BMPER: variants seen among roughly 807,000 people sequenced by gnomAD.
BMPER encodes BMP binding endothelial regulator.
Under a neutral mutation model 87.3 loss-of-function variants are expected in BMPER, and 45 were observed. The observed-to-expected ratio is 0.52, with a 90% confidence interval of 0.41 to 0.66. The LOEUF (loss-of-function observed/expected upper bound fraction) is 0.66, where lower values mean the gene tolerates loss of function less well. Ranked by LOEUF, BMPER falls within the 30% of genes least tolerant of loss-of-function variation. The probability of loss-of-function intolerance (pLI) is 0.00; values close to 1 mark genes in which losing one functional copy is unlikely to be tolerated. For synonymous variants in BMPER, 326 were observed against 316.2 expected (o/e 1.03, Z -0.33); for missense variants, 784 against 867.5 (o/e 0.90, Z 1.21).
At chr7:33,990,047 T>C (rs1388314947) in intron 6 of BMPER, among the ~76,000 whole-genome samples, 4 of 151,692 alleles carry the variant, frequency 2.6e-5, no homozygotes, top group East Asian at 1.9e-4. Context: ...AGTCAGGTAG[T>C]GTGATGCCTC....
intron 9 of BMPER, among the ~76,000 whole-genome samples, chr7:34,056,448 T>C (rs749563771): frequency 6.6e-6 from 1 of 151,928 alleles, no homozygotes; most frequent in Non-Finnish European, 1.5e-5. Flanking sequence ...AAAAAACACA[T>C]AAGGTGTCAT....
intron 13 of BMPER, among the ~76,000 whole-genome samples, chr7:34,119,252 T>A (rs895545887): frequency 6.6e-6 from 1 of 152,116 alleles, no homozygotes; most frequent in African/African-American, 2.4e-5. Context: ...ACCCACGTAG[T>A]ACCCACAGCA....
At chr7:33,947,136 A>G (rs967878945) in intron 3 of BMPER, among the ~76,000 whole-genome samples, 24 of 152,316 alleles carry the variant, frequency 1.6e-4, no homozygotes, top group Non-Finnish European at 7.4e-5. Flanking sequence ...GAAAAAACTC[A>G]ATATTGTTTG....
intron 6 of BMPER, among the ~76,000 whole-genome samples, chr7:34,041,112 C>A (rs1220500153): frequency 6.6e-6 from 1 of 152,020 alleles, no homozygotes; most frequent in Non-Finnish European, 1.5e-5. Flanking sequence ...AAGGAAAGGC[C>A]CTATTAGATG....
At chr7:34,125,556 T>C (rs1324970309) in intron 13 of BMPER, among the ~76,000 whole-genome samples, 1 of 152,226 alleles carries the variant, frequency 6.6e-6, no homozygotes, top group African/African-American at 2.4e-5. Context: ...AGCTTCATGC[T>C]TATGAAATGC....
At chr7:34,044,601 C>T (rs1787911456) in intron 6 of BMPER, among the ~76,000 whole-genome samples, 1 of 152,114 alleles carries the variant, frequency 6.6e-6, no homozygotes. Context: ...GATGAAAGGC[C>T]TCTAACTTTA....
chr7:34,152,450 A>G (rs946553046), intron 14 of BMPER, among the ~76,000 whole-genome samples: 1 of 152,202 alleles, frequency 6.6e-6, no homozygotes, highest in Non-Finnish European at 1.5e-5. Flanking sequence ...CTTTGCCTCT[A>G]AGTCAATAAA....
At chr7:33,978,662 C>T (rs1365437351) in intron 6 of BMPER, among the ~76,000 whole-genome samples, 1 of 152,170 alleles carries the variant, frequency 6.6e-6, no homozygotes, top group African/African-American at 2.4e-5. Flanking sequence ...GGATACTTCT[C>T]AACTTACGGT....
At chr7:34,043,498 A>T (rs886513894) in intron 6 of BMPER, among the ~76,000 whole-genome samples, 4 of 152,336 alleles carry the variant, frequency 2.6e-5, no homozygotes, top group South Asian at 2.1e-4. Context: ...AGTGTAGCAT[A>T]GCACTGTCAA....
intron 3 of BMPER, among the ~76,000 whole-genome samples, chr7:33,953,558 T>C (rs1381112391): frequency 6.6e-6 from 1 of 152,206 alleles, no homozygotes; most frequent in Non-Finnish European, 1.5e-5. Context: ...AATACTCAGA[T>C]GCCTGAGCCC....
intron 11 of BMPER, among the ~76,000 whole-genome samples, chr7:34,066,709 C>G (rs564601995): frequency 6.6e-6 from 1 of 152,248 alleles, no homozygotes; most frequent in Non-Finnish European, 1.5e-5. Flanking sequence ...CAACAGAGAC[C>G]TGAATCAGAT....
intron 12 of BMPER, among the ~76,000 whole-genome samples, chr7:34,081,958 T>C (rs75073098): frequency 0.028 from 4,316 of 152,132 alleles, 199 homozygotes; most frequent in African/African-American, 0.098. Context: ...AAAACAACAA[T>C]ATCCACAAAA....
chr7:33,960,144 G>GAT (rs1372301390), intron 3 of BMPER, among the ~76,000 whole-genome samples: 2 of 152,174 alleles, frequency 1.3e-5, no homozygotes, highest in African/African-American at 4.8e-5. Context: ...TACTATTTAA[G>GAT]AACTCAGTTC....
chr7:33,929,290 C>T (rs187451495), intron 2 of BMPER, among the ~76,000 whole-genome samples: 33 of 152,206 alleles, frequency 2.2e-4, no homozygotes, highest in Admixed American at 4.6e-4. Flanking sequence ...AAATTATGGC[C>T]GTGGGATGCT....
At chr7:34,092,814 G>GTATGGA (rs1789423893) in intron 13 of BMPER, among the ~76,000 whole-genome samples, 1 of 152,208 alleles carries the variant, frequency 6.6e-6, no homozygotes, top group South Asian at 2.1e-4. Context: ...GTATGAAAAT[G>GTATGGA]TATGGAACAT....
intron 6 of BMPER, among the ~76,000 whole-genome samples, chr7:33,994,981 A>AT (rs34269297): frequency 1.3e-5 from 2 of 151,876 alleles, no homozygotes; most frequent in Non-Finnish European, 2.9e-5. Context: ...TAATAGAAAA[A>AT]TTTTTTCTTA....
At chr7:34,044,575 C>T (rs1787910910) in intron 6 of BMPER, among the ~76,000 whole-genome samples, 1 of 152,170 alleles carries the variant, frequency 6.6e-6, no homozygotes, top group South Asian at 2.1e-4. Context: ...ATTCAGGTTA[C>T]ATGCCCCTGA....
At chr7:33,999,585 T>C (rs932036423) in intron 6 of BMPER, among the ~76,000 whole-genome samples, 5 of 152,246 alleles carry the variant, frequency 3.3e-5, no homozygotes, top group Admixed American at 2.0e-4. Flanking sequence ...TTGCCTCATA[T>C]CAGTTTCTCT....
chr7:33,979,742 A>G (rs577372048), intron 6 of BMPER, among the ~76,000 whole-genome samples: 56 of 152,136 alleles, frequency 3.7e-4, no homozygotes, highest in Admixed American at 7.9e-4. Context: ...TCCAGCTCCA[A>G]TGGATGAACT....
Sources: gnomAD v4.1 joint callset for allele counts (sites outside exome capture counted in the v4.1 genomes callset) on GRCh38, gnomAD v4.1.1 for gene constraint, MANE v1.5 for transcripts, NCBI Gene and HGNC (gene_info 2026-07-23, HGNC 2026-07-21) for gene names.